Variants in BMAL2 observed in about 807,000 individuals in gnomAD.
BMAL2 encodes the protein basic helix-loop-helix ARNT-like protein 2.
At chr12:27,370,146 A>G in the BMAL2 span, 1 of 1,613,816 alleles carries the variant, frequency 6.2e-7, no homozygotes, top group African/African-American at 1.3e-5. Context: ...ATCATGACAG[A>G]AAAAGTGGTG....
chr12:27,379,713 A>G, the BMAL2 span, among the ~76,000 whole-genome samples: 1 of 152,260 alleles, frequency 6.6e-6, no homozygotes, highest in Middle Eastern at 3.4e-3. Context: ...TGCCTGGGAA[A>G]TGAAAGATTG....
the BMAL2 span, among the ~76,000 whole-genome samples, chr12:27,359,807 A>C: frequency 6.6e-6 from 1 of 152,220 alleles, no homozygotes; most frequent in Non-Finnish European, 1.5e-5. Context: ...GGAGGATCTC[A>C]TAAACCTTTC....
chr12:27,411,104 T>C, the BMAL2 span, among the ~76,000 whole-genome samples: 1 of 152,122 alleles, frequency 6.6e-6, no homozygotes, highest in Non-Finnish European at 1.5e-5. Flanking sequence ...TTAAACATTG[T>C]AGTATACAGA....
chr12:27,420,443 A>G, the BMAL2 span: 1 of 1,613,972 alleles, frequency 6.2e-7, no homozygotes, highest in Non-Finnish European at 8.5e-7. Flanking sequence ...CAATGATGAC[A>G]CAGCCATGGC....
the BMAL2 span, among the ~76,000 whole-genome samples, chr12:27,362,690 A>C: frequency 6.6e-6 from 1 of 152,130 alleles, no homozygotes; most frequent in Non-Finnish European, 1.5e-5. Flanking sequence ...ATTCCTAAAA[A>C]TTGATTAGTT....
chr12:27,337,008 C>T, the BMAL2 span, among the ~76,000 whole-genome samples: 1 of 149,346 alleles, frequency 6.7e-6, no homozygotes, highest in Non-Finnish European at 1.5e-5. Context: ...AAAATCAGTT[C>T]AGTTATACAG....
At chr12:27,402,654 C>T in the BMAL2 span, 2 of 1,611,924 alleles carry the variant, frequency 1.2e-6, no homozygotes, top group Non-Finnish European at 1.7e-6. Flanking sequence ...TCATTTTTAC[C>T]TTGTAGCTCT....
chr12:27,389,146 C>T, the BMAL2 span: 2 of 1,369,846 alleles, frequency 1.5e-6, no homozygotes, highest in South Asian at 1.2e-5. Context: ...AAGCATGGTA[C>T]TGATTTTAAA....
the BMAL2 span, chr12:27,415,721 T>C: frequency 3.2e-6 from 2 of 620,640 alleles, no homozygotes; most frequent in South Asian, 4.1e-5. Context: ...TGGCACCTAG[T>C]AAGTCAGTCT....
At chr12:27,394,490 A>C in the BMAL2 span, 1 of 152,140 alleles carries the variant, frequency 6.6e-6, no homozygotes, top group Non-Finnish European at 1.5e-5. Context: ...CATTCAATAA[A>C]CATTTCCTGA....
chr12:27,338,133 A>C, the BMAL2 span, among the ~76,000 whole-genome samples: 1 of 152,320 alleles, frequency 6.6e-6, no homozygotes, highest in African/African-American at 2.4e-5. Context: ...TTGAATGAAG[A>C]ATAGTTTGCT....
the BMAL2 span, among the ~76,000 whole-genome samples, chr12:27,350,994 C>CCCCCTCTT: frequency 1.1e-5 from 1 of 94,276 alleles, no homozygotes; most frequent in Admixed American, 1.1e-4. Context: ...CCCACCCCCC[C>CCCCCTCTT]TTTTTTTTTT....
At chr12:27,389,423 T>G in the BMAL2 span, 1 of 614,906 alleles carries the variant, frequency 1.6e-6, no homozygotes, top group Non-Finnish European at 2.8e-6. Context: ...TTGTAAACTT[T>G]ACATCATACT....
chr12:27,382,101 C>T, the BMAL2 span, among the ~76,000 whole-genome samples: 3 of 152,204 alleles, frequency 2.0e-5, no homozygotes, highest in Admixed American at 6.5e-5. Flanking sequence ...ATTTTCATAA[C>T]AGTCTGTTGT....
the BMAL2 span, among the ~76,000 whole-genome samples, chr12:27,337,320 A>G: frequency 6.6e-6 from 1 of 152,226 alleles, no homozygotes; most frequent in Non-Finnish European, 1.5e-5. Flanking sequence ...CATTTCATAC[A>G]TTTTTAAGTA....
chr12:27,384,396 G>A, the BMAL2 span, among the ~76,000 whole-genome samples: 1 of 152,066 alleles, frequency 6.6e-6, no homozygotes, highest in Non-Finnish European at 1.5e-5. Flanking sequence ...AAAATAATCT[G>A]TGTATTATCA....
At chr12:27,360,051 T>A in the BMAL2 span, among the ~76,000 whole-genome samples, 15 of 115,240 alleles carry the variant, frequency 1.3e-4, no homozygotes, top group South Asian at 1.2e-3. Context: ...AGACCCTATT[T>A]AAAAAAAAAA....
the BMAL2 span, among the ~76,000 whole-genome samples, chr12:27,382,592 C>T: frequency 2.7e-4 from 41 of 152,160 alleles, no homozygotes; most frequent in Non-Finnish European, 5.0e-4. Flanking sequence ...TACTCATCCC[C>T]GCAGTCTGAC....
chr12:27,366,977 C>T, the BMAL2 span, among the ~76,000 whole-genome samples: 1 of 152,116 alleles, frequency 6.6e-6, no homozygotes, highest in African/African-American at 2.4e-5. Context: ...TCTGAGACTC[C>T]CCAGTGGATG....
Sources: allele counts gnomAD v4.1 joint callset (sites outside exome capture counted in the v4.1 genomes callset), GRCh38; gene constraint gnomAD v4.1.1; transcripts MANE v1.5; gene names NCBI Gene and HGNC (gene_info 2026-07-23, HGNC 2026-07-21).